The following ANXA5 variants were observed in gnomAD, a reference collection of about 807,000 sequenced individuals.
The protein encoded by ANXA5 is CBP-I.
Under a neutral mutation model 48.1 loss-of-function variants are expected in ANXA5, and 40 were observed. That is an observed-to-expected ratio of 0.83 (90% confidence interval 0.65 to 1.08). The LOEUF is 1.08. Among genes scored for constraint, ANXA5 ranks in the 50% least tolerant of loss-of-function variants. The probability of loss-of-function intolerance (pLI) is 0.00; values close to 1 mark genes in which losing one functional copy is unlikely to be tolerated. For missense variants in ANXA5, 357 were observed against 376.8 expected (o/e 0.95, Z 0.44); for synonymous variants, 113 against 129.1 (o/e 0.88, Z 0.85).
intron 4 of ANXA5, among the ~76,000 whole-genome samples, chr4:121,684,227 ATT>A (rs558888026): frequency 6.6e-6 from 1 of 152,148 alleles, no homozygotes; most frequent in African/African-American, 2.4e-5. Flanking sequence ...ATTCAAATAA[ATT>A]TTTTTGAATT....
At chr4:121,682,868 C>A (rs1403213318) in intron 5 of ANXA5, among the ~76,000 whole-genome samples, 1 of 152,048 alleles carries the variant, frequency 6.6e-6, no homozygotes, top group Non-Finnish European at 1.5e-5. Context: ...TTTGCTGCAA[C>A]TGAAATTATA....
At chr4:121,689,302 G>A (rs981612277) in intron 2 of ANXA5, among the ~76,000 whole-genome samples, 1 of 152,130 alleles carries the variant, frequency 6.6e-6, no homozygotes, top group Non-Finnish European at 1.5e-5. Flanking sequence ...CAGTCCATCT[G>A]TCTTTTTACT....
intron 2 of ANXA5, among the ~76,000 whole-genome samples, chr4:121,688,003 C>T (rs35317464): frequency 0.22 from 33,211 of 152,044 alleles, 4,210 homozygotes; most frequent in Non-Finnish European, 0.29. Context: ...CACCACATGA[C>T]GGTAAATAGG....
Position 121,678,955 on chromosome 4 carries a change from T to G in ANXA5, c.395-461A>C, listed in dbSNP as rs532313926. Among the ~76,000 whole-genome samples the G allele has an allele frequency of 1.2e-3, 184 of 152,262 alleles. 1 individual carries two copies. Among genetic ancestry groups the G allele is most frequent in the South Asian group, 2.3e-3 (11 of 4,822 alleles). On this transcript the variant is annotated intron_variant, in intron 6 of 12. Coordinates refer to ENST00000296511, the MANE Select transcript of ANXA5 (RefSeq NM_001154.4). ...GTATTTTTCCTCTGCAGAAATAAAG[T>G]TAACTCTTGAGAGACAGCAATGATA...
chr4:121,675,670 G>A (rs1315119645), intron 8 of ANXA5, among the ~76,000 whole-genome samples: 1 of 152,174 alleles, frequency 6.6e-6, no homozygotes, highest in African/African-American at 2.4e-5. Context: ...GTTCTGAATG[G>A]TTATATCCAC....
intron 2 of ANXA5, among the ~76,000 whole-genome samples, chr4:121,690,578 GA>G (rs200347880): frequency 1.0e-4 from 15 of 149,756 alleles, no homozygotes; most frequent in South Asian, 2.1e-4. Flanking sequence ...ACAGTTAAGA[GA>G]AAAAAAAAGG....
chr4:121,692,200 AC>A (rs1335449990), intron 2 of ANXA5, among the ~76,000 whole-genome samples: 2 of 152,222 alleles, frequency 1.3e-5, no homozygotes, highest in Non-Finnish European at 2.9e-5. Context: ...GGGAAAAAAA[AC>A]ATCACTGGAG....
At chr4:121,682,538 T>G (rs571321815) in intron 5 of ANXA5, among the ~76,000 whole-genome samples, 2 of 152,274 alleles carry the variant, frequency 1.3e-5, no homozygotes, top group South Asian at 4.1e-4. Context: ...CAACTACTGC[T>G]GACATTTCAG....
At chr4:121,681,549 T>C in intron 6 of ANXA5, 122 bp downstream of exon 6, 1 of 569,444 alleles carries the variant, frequency 1.8e-6, no homozygotes, top group Non-Finnish European at 3.1e-6. Flanking sequence ...CATTCATTCA[T>C]TCATTCATTC....
At chr4:121,683,284 A>G in intron 5 of ANXA5, 80 bp downstream of exon 5, 1 of 827,584 alleles carries the variant, frequency 1.2e-6, no homozygotes. Context: ...TTTTTTAAAT[A>G]TAACAAATAA....
intron 10 of ANXA5, among the ~76,000 whole-genome samples, chr4:121,670,876 G>A (rs1404601467): frequency 6.6e-6 from 1 of 152,096 alleles, no homozygotes; most frequent in Non-Finnish European, 1.5e-5. Flanking sequence ...AAGACAGAGA[G>A]CACAAAAGTG....
intron 9 of ANXA5, 108 bp from the exon 10 acceptor site, chr4:121,671,750 T>G (rs1487846608): frequency 1.9e-5 from 14 of 742,952 alleles, no homozygotes; most frequent in Non-Finnish European, 2.9e-5. Context: ...TCTCCCCTTC[T>G]TCCTTGCTGA....
In ANXA5 at chr4:121,696,607, G is replaced by A. The variant is rs749124319; in HGVS notation, c.-18C>T. ...TGTGCCATGGCGACTACTCAGGTCA[G>A]GGGAAGGTGAAGCAGGACTGCAAAA... On this transcript the variant is annotated 5_prime_UTR_variant, in exon 2 of 13. Coordinates refer to ENST00000296511, the MANE Select transcript of ANXA5 (RefSeq NM_001154.4). 7.0e-7 allele frequency: 1 copy of A among 1,419,956 alleles called. No individual in the cohort carries two copies. Among genetic ancestry groups the A allele is most frequent in the Admixed American group, 2.5e-5 (1 of 40,604 alleles). The allele number at this position is 1,419,956 out of a possible 1,614,324, so 88.0% of individuals were successfully genotyped here.
At chr4:121,696,245 T>C (rs2110494889) in intron 2 of ANXA5, among the ~76,000 whole-genome samples, 1 of 152,250 alleles carries the variant, frequency 6.6e-6, no homozygotes, top group East Asian at 1.9e-4. Flanking sequence ...CCGGTTCTAA[T>C]TTGAGCTACT....
intron 2 of ANXA5, among the ~76,000 whole-genome samples, chr4:121,687,460 G>A (rs756742927): frequency 2.0e-5 from 3 of 151,978 alleles, no homozygotes; most frequent in Non-Finnish European, 4.4e-5. Flanking sequence ...TCCTGCTTAG[G>A]TACCATCTAA....
intron 6 of ANXA5, chr4:121,681,286 A>G (rs995836889): frequency 6.4e-6 from 1 of 156,150 alleles, no homozygotes; most frequent in African/African-American, 2.4e-5. Flanking sequence ...TTTCTCTTCC[A>G]AAGTTCCAAA....
chr4:121,692,716 C>T (rs1293620009), intron 2 of ANXA5, among the ~76,000 whole-genome samples: 1 of 152,212 alleles, frequency 6.6e-6, no homozygotes, highest in Non-Finnish European at 1.5e-5. Flanking sequence ...TAAGTAACCT[C>T]AATTTCCCCT....
intron 2 of ANXA5, among the ~76,000 whole-genome samples, chr4:121,693,226 TC>T (rs1196294163): frequency 1.4e-5 from 2 of 147,806 alleles, no homozygotes; most frequent in African/African-American, 2.5e-5. Context: ...AAAGCGAGAC[TC>T]CATCTCGGGG....
At chr4:121,668,936 A>G (rs915129709) in intron 12 of ANXA5, among the ~76,000 whole-genome samples, 2 of 151,912 alleles carry the variant, frequency 1.3e-5, no homozygotes, top group African/African-American at 2.4e-5. Flanking sequence ...TCAAGCTAAA[A>G]GTGCATGGGT....
Sources: gnomAD v4.1 joint callset for allele counts (sites outside exome capture counted in the v4.1 genomes callset) on GRCh38, gnomAD v4.1.1 for gene constraint, MANE v1.5 for transcripts, NCBI Gene and HGNC (gene_info 2026-07-23, HGNC 2026-07-21) for gene names.